The following ADGRG6 variants were observed in gnomAD, a reference collection of about 807,000 sequenced individuals.
The protein encoded by ADGRG6 is adhesion G protein-coupled receptor G6.
Under a neutral mutation model 142.4 loss-of-function variants are expected in ADGRG6, and 84 were observed. The observed-to-expected ratio is 0.59, with a 90% CI of 0.49 to 0.71. The LOEUF (loss-of-function observed/expected upper bound fraction) is 0.71, where lower values mean the gene tolerates loss of function less well. Ranked by LOEUF, ADGRG6 falls within the 30% of genes least tolerant of loss-of-function variation. The pLI, the probability that ADGRG6 is intolerant of heterozygous loss-of-function variation, is 0.00. For synonymous variants in ADGRG6, 521 were observed against 520.5 expected, an observed-to-expected ratio of 1.00 and a Z score of -0.01; for missense variants, 1,367 against 1,466.6, an observed-to-expected ratio of 0.93 and a Z score of 1.11.
chr6:142,329,297 A>G lies in ADGRG6; in HGVS notation c.103+19653A>G, dbSNP rs1582989498. Among the ~76,000 whole-genome samples, 3 of 152,278 alleles carry G rather than the reference A, an allele frequency of 2.0e-5. No homozygotes were observed. The South Asian group carries it at 6.2e-4, about 32-fold the overall frequency. The stretch of plus-strand genomic sequence containing the variant: ...TTTGGGAGAGTTTCTGGGGTAATAT[A>G]TAATCTTCATGGCTCATTAGCCATA... On this transcript the variant is annotated intron_variant, in intron 2 of 24. Coordinates refer to ENST00000367609, the MANE Select transcript of ADGRG6 (RefSeq NM_198569.3).
intron 3 of ADGRG6, among the ~76,000 whole-genome samples, chr6:142,368,455 A>G (rs1437216958): frequency 6.6e-6 from 1 of 152,158 alleles, no homozygotes; most frequent in Non-Finnish European, 1.5e-5. Context: ...ATATTCTGGC[A>G]CAACATAACA....
intron 22 of ADGRG6, among the ~76,000 whole-genome samples, chr6:142,421,314 G>T (rs932931468): frequency 6.6e-6 from 1 of 152,146 alleles, no homozygotes; most frequent in East Asian, 1.9e-4. Context: ...GTATTAACTA[G>T]TTCAGCAAAT....
Position 142,367,609 on chromosome 6 carries a change from T to C in ADGRG6, c.144T>C (p.Pro48=). ...CANCRVVLSN[P]SGTFTSPCYP... Reference sequence around the variant, plus strand: ...ACTGCCGAGTGGTTTTGTCCAACCCTTCTGGGACCTTTACTTCTCCATGCT... The same window carrying C: ...ACTGCCGAGTGGTTTTGTCCAACCCCTCTGGGACCTTTACTTCTCCATGCT... Residue 48 remains proline (P), a synonymous_variant, in exon 3 of 25, where the codon CCT becomes CCC. Coordinates refer to ENST00000367609, the MANE Select transcript of ADGRG6 (RefSeq NM_198569.3). 6.2e-7 allele frequency: 1 copy of C among 1,613,852 alleles called. No individual in the cohort carries two copies. The highest frequency in any genetic ancestry group is 1.1e-5 in the South Asian group (1 of 91,068).
At chr6:142,375,350 C>T (rs538353240) in intron 4 of ADGRG6, among the ~76,000 whole-genome samples, 132 of 152,250 alleles carry the variant, frequency 8.7e-4, no homozygotes, top group Admixed American at 1.7e-3. Context: ...TAGTGATCTT[C>T]TTGCCATTCC....
At chr6:142,393,778 A>C (rs1775029524) in intron 8 of ADGRG6, 118 bp from the exon 9 acceptor site, 1 of 672,472 alleles carries the variant, frequency 1.5e-6, no homozygotes, top group Non-Finnish European at 2.7e-6. Flanking sequence ...CAGGACACAC[A>C]TTTGAAAATA....
intron 2 of ADGRG6, among the ~76,000 whole-genome samples, chr6:142,357,905 A>C (rs2114808654): frequency 6.6e-6 from 1 of 152,340 alleles, no homozygotes; most frequent in Non-Finnish European, 1.5e-5. Context: ...AATATGGCTA[A>C]CATGCTTTGC....
chr6:142,373,889 T>TC (rs1460619576), intron 4 of ADGRG6, among the ~76,000 whole-genome samples: 3 of 141,718 alleles, frequency 2.1e-5, no homozygotes, highest in African/African-American at 7.9e-5. Context: ...TTCTTTTTTT[T>TC]TTTTTTTTTT....
At chr6:142,393,702 A>C (rs149485830) in intron 8 of ADGRG6, among the ~76,000 whole-genome samples, 194 bp from the exon 9 acceptor site, 2 of 152,278 alleles carry the variant, frequency 1.3e-5, no homozygotes, top group Admixed American at 6.5e-5. Context: ...AATAATATGA[A>C]TTGTGAATCT....
At chr6:142,381,335 T>C (rs1463591595) in intron 4 of ADGRG6, among the ~76,000 whole-genome samples, 1 of 152,222 alleles carries the variant, frequency 6.6e-6, no homozygotes, top group African/African-American at 2.4e-5. Flanking sequence ...TAGCCAATTT[T>C]TCTCAGACTC....
At chr6:142,383,564 G>T (rs898526307) in intron 5 of ADGRG6, among the ~76,000 whole-genome samples, 196 bp from the exon 6 acceptor site, 1 of 152,018 alleles carries the variant, frequency 6.6e-6, no homozygotes, top group East Asian at 1.9e-4. Context: ...AGCATCAAAG[G>T]CCATGTGTAC....
intron 2 of ADGRG6, among the ~76,000 whole-genome samples, chr6:142,322,137 T>C (rs1444944323): frequency 6.6e-6 from 1 of 152,158 alleles, no homozygotes; most frequent in Non-Finnish European, 1.5e-5. Context: ...CAGTGACTCA[T>C]GTCAGTAATC....
At chr6:142,391,398 C>T (rs372734888) in intron 7 of ADGRG6, among the ~76,000 whole-genome samples, 3 of 139,796 alleles carry the variant, frequency 2.1e-5, no homozygotes, top group Admixed American at 7.3e-5. Flanking sequence ...TCTTTGGTAG[C>T]AAAAGAAAGT....
chr6:142,411,235 G>C (rs1582648931), intron 17 of ADGRG6, 70 bp from the exon 18 acceptor site: 1 of 820,486 alleles, frequency 1.2e-6, no homozygotes, highest in South Asian at 1.4e-5. Context: ...TTTCTCTATA[G>C]AAGGTCTCAT....
chr6:142,329,920 G>T (rs532947995), intron 2 of ADGRG6, among the ~76,000 whole-genome samples: 1 of 152,126 alleles, frequency 6.6e-6, no homozygotes, highest in Non-Finnish European at 1.5e-5. Context: ...GGTGAGATAC[G>T]TGAGCACTGA....
intron 18 of ADGRG6, 127 bp from the exon 19 acceptor site, chr6:142,414,842 T>C (rs1324906497): frequency 2.5e-5 from 14 of 562,058 alleles, no homozygotes; most frequent in East Asian, 6.2e-5. Flanking sequence ...TTAATATTGA[T>C]TTACACTGTT....
At chr6:142,340,772 G>A (rs1779583722) in intron 2 of ADGRG6, among the ~76,000 whole-genome samples, 1 of 152,036 alleles carries the variant, frequency 6.6e-6, no homozygotes, top group Admixed American at 6.6e-5. Flanking sequence ...TCAATAAGAG[G>A]ACAGATTTTA....
chr6:142,423,916 T>A (rs1440417723), intron 22 of ADGRG6, among the ~76,000 whole-genome samples: 8 of 104,176 alleles, frequency 7.7e-5, no homozygotes, highest in African/African-American at 3.0e-4. Flanking sequence ...CTAGGTATTT[T>A]ATTCTCTTTG....
intron 7 of ADGRG6, among the ~76,000 whole-genome samples, chr6:142,391,044 G>A (rs946852348): frequency 6.6e-6 from 1 of 151,730 alleles, no homozygotes; most frequent in Non-Finnish European, 1.5e-5. Flanking sequence ...CAGATCTTCT[G>A]TTGATGGACA....
chr6:142,430,027 G>A (rs1777133727), intron 22 of ADGRG6, among the ~76,000 whole-genome samples: 1 of 152,034 alleles, frequency 6.6e-6, no homozygotes, highest in Admixed American at 6.6e-5. Flanking sequence ...CTCCAGCCTG[G>A]GTGAGAGAGT....
Sources: allele counts gnomAD v4.1 joint callset (sites outside exome capture counted in the v4.1 genomes callset), GRCh38; gene constraint gnomAD v4.1.1; transcripts MANE v1.5; gene names NCBI Gene and HGNC (gene_info 2026-07-23, HGNC 2026-07-21).